Variants in LHFPL2 observed in about 807,000 individuals in gnomAD.
LHFPL2 encodes the protein LHFPL tetraspan subfamily member 2, also known as LHFPL tetraspan subfamily member 2 protein.
Under a neutral mutation model 17.5 loss-of-function variants are expected in LHFPL2, and 7 were observed. The observed-to-expected ratio is 0.40, with a 90% confidence interval of 0.23 to 0.75. The LOEUF is 0.75. Among genes scored for constraint, LHFPL2 ranks in the 30% least tolerant of loss-of-function variants. The pLI, the probability that LHFPL2 is intolerant of heterozygous loss-of-function variation, is 0.37. For synonymous variants in LHFPL2, 134 were observed against 116.2 expected (o/e 1.15, Z -0.99); for missense variants, 241 against 294.8 (o/e 0.82, Z 1.34).
At chr5:78,641,667 G>C (rs1745664562) in intron 1 of LHFPL2, among the ~76,000 whole-genome samples, 1 of 152,130 alleles carries the variant, frequency 6.6e-6, no homozygotes, top group Non-Finnish European at 1.5e-5. Context: ...AACAAACCCA[G>C]AAGAAAAATC....
chr5:78,503,495 G>T (rs568511911), intron 4 of LHFPL2, among the ~76,000 whole-genome samples: 1 of 152,246 alleles, frequency 6.6e-6, no homozygotes, highest in East Asian at 1.9e-4. Flanking sequence ...TCAGGAGTAC[G>T]AGACCAGCCT....
At chr5:78,522,487 C>G (rs919715284) in intron 3 of LHFPL2, among the ~76,000 whole-genome samples, 1 of 152,084 alleles carries the variant, frequency 6.6e-6, no homozygotes, top group Non-Finnish European at 1.5e-5. Context: ...GCTGACCTCC[C>G]AAACCAAAGA....
chr5:78,583,492 T>G (rs1275318576), intron 2 of LHFPL2, among the ~76,000 whole-genome samples: 5 of 149,520 alleles, frequency 3.3e-5, no homozygotes, highest in African/African-American at 7.3e-5. Context: ...TGACAAAATC[T>G]CTCAGCATTT....
At chr5:78,637,072 T>A (rs187804994) in intron 1 of LHFPL2, among the ~76,000 whole-genome samples, 1 of 152,174 alleles carries the variant, frequency 6.6e-6, no homozygotes, top group Admixed American at 6.5e-5. Context: ...TTCCTGATCA[T>A]AAGAACCACC....
intron 3 of LHFPL2, among the ~76,000 whole-genome samples, chr5:78,541,645 T>C (rs1756118053): frequency 6.6e-6 from 1 of 152,284 alleles, no homozygotes; most frequent in South Asian, 2.1e-4. Flanking sequence ...TGCCACCTGA[T>C]AAATCAGTTA....
chr5:78,626,152 T>C (rs1745024994), intron 2 of LHFPL2: 1 of 152,244 alleles, frequency 6.6e-6, no homozygotes, highest in Non-Finnish European at 1.5e-5. Flanking sequence ...GGGACCCTCA[T>C]AGCCCCATTC....
At chr5:78,520,312 C>T (rs1026759758) in intron 3 of LHFPL2, among the ~76,000 whole-genome samples, 4 of 152,188 alleles carry the variant, frequency 2.6e-5, no homozygotes, top group Admixed American at 6.5e-5. Flanking sequence ...CAGGAAAACA[C>T]GGGTCCCGAC....
chr5:78,628,563 C>G (rs537756878), intron 2 of LHFPL2, among the ~76,000 whole-genome samples: 1 of 152,300 alleles, frequency 6.6e-6, no homozygotes, highest in African/African-American at 2.4e-5. Flanking sequence ...AGAGTATTGG[C>G]GTCAACTCAG....
rs554375835 is a variant in LHFPL2 at position 78,486,573 on chromosome 5, TTTTACTA to T, written c.*2317_*2323del. ...AGGTTTAAAAGTCCCAACATTACCT[TTTTACTA>T]TTTACTAAGTCAGTGTTTAGGTAGT... is the stretch of plus-strand genomic sequence containing the variant. On this transcript the variant is annotated 3_prime_UTR_variant, in exon 5 of 5. Transcript: ENST00000380345. 1 of 152,266 alleles carries T rather than the reference TTTTACTA, an allele frequency of 6.6e-6. No homozygotes were observed. The highest frequency in any genetic ancestry group is 1.5e-5 in the Non-Finnish European group (1 of 68,060). The allele number at this position is 152,266 out of a possible 1,614,324, so 9.4% of individuals were successfully genotyped here.
chr5:78,569,767 G>A (rs1385749773), intron 2 of LHFPL2, among the ~76,000 whole-genome samples: 1 of 152,198 alleles, frequency 6.6e-6, no homozygotes, highest in African/African-American at 2.4e-5. Context: ...AGTGGTGAAA[G>A]ACTGAGGTTC....
intron 3 of LHFPL2, among the ~76,000 whole-genome samples, chr5:78,513,473 G>A (rs1306965003): frequency 6.6e-6 from 1 of 152,198 alleles, no homozygotes; most frequent in East Asian, 1.9e-4. Flanking sequence ...GTTCTCCCTA[G>A]TAAGTTTGCT....
intron 4 of LHFPL2, among the ~76,000 whole-genome samples, chr5:78,508,426 T>TC (rs1459879718): frequency 1.3e-5 from 2 of 152,078 alleles, no homozygotes; most frequent in Non-Finnish European, 1.5e-5. Flanking sequence ...GATGGTGTAT[T>TC]CCCCCATGAA....
chr5:78,595,330 G>A (rs972824881), intron 2 of LHFPL2, among the ~76,000 whole-genome samples: 1 of 152,276 alleles, frequency 6.6e-6, no homozygotes, highest in East Asian at 1.9e-4. Flanking sequence ...GCTTGAATCC[G>A]AAGCACCAGG....
chr5:78,614,501 G>A (rs1043895514), intron 2 of LHFPL2, among the ~76,000 whole-genome samples: 2 of 152,194 alleles, frequency 1.3e-5, no homozygotes, highest in African/African-American at 4.8e-5. Flanking sequence ...ACTGATACAA[G>A]TGGTTCTCAC....
intron 3 of LHFPL2, among the ~76,000 whole-genome samples, chr5:78,519,324 G>A (rs1755380753): frequency 6.6e-6 from 1 of 152,208 alleles, no homozygotes; most frequent in Non-Finnish European, 1.5e-5. Flanking sequence ...TCACAGCCCT[G>A]ATCACTGCAG....
chr5:78,521,830 AG>A (rs1452650096), intron 3 of LHFPL2, among the ~76,000 whole-genome samples: 1 of 152,214 alleles, frequency 6.6e-6, no homozygotes, highest in Non-Finnish European at 1.5e-5. Flanking sequence ...CATTCATAAA[AG>A]GAAGTGCTGA....
At chr5:78,524,918 C>A (rs1755572333) in intron 3 of LHFPL2, among the ~76,000 whole-genome samples, 1 of 152,012 alleles carries the variant, frequency 6.6e-6, no homozygotes, top group Non-Finnish European at 1.5e-5. Flanking sequence ...AACTTCAGAA[C>A]ATTGTGTGGA....
At chr5:78,579,606 T>C (rs549975129) in intron 2 of LHFPL2, among the ~76,000 whole-genome samples, 59 of 152,062 alleles carry the variant, frequency 3.9e-4, no homozygotes, top group African/African-American at 1.3e-3. Context: ...GGTTTTTTGT[T>C]CTTGCGATAG....
At chr5:78,565,750 C>T (rs1488687566) in intron 2 of LHFPL2, among the ~76,000 whole-genome samples, 1 of 152,180 alleles carries the variant, frequency 6.6e-6, no homozygotes, top group Non-Finnish European at 1.5e-5. Context: ...ACCATAGGAT[C>T]CAGGGTTTCC....
Sources: gnomAD v4.1 joint callset for allele counts (sites outside exome capture counted in the v4.1 genomes callset) on GRCh38, gnomAD v4.1.1 for gene constraint, MANE v1.5 for transcripts, NCBI Gene and HGNC (gene_info 2026-07-23, HGNC 2026-07-21) for gene names.